CCDC40: variants seen among roughly 807,000 people sequenced by gnomAD.
CCDC40 encodes coiled-coil domain 40 molecular ruler complex subunit.
Under a neutral mutation model 124.5 loss-of-function variants are expected in CCDC40, and 104 were observed. That is an observed-to-expected ratio of 0.84 (90% CI 0.71 to 0.98). The LOEUF (loss-of-function observed/expected upper bound fraction) is 0.98, where lower values mean the gene tolerates loss of function less well. Ranked by LOEUF, CCDC40 falls within the 50% of genes least tolerant of loss-of-function variation. The probability of loss-of-function intolerance (pLI) is 0.00; values close to 1 mark genes in which losing one functional copy is unlikely to be tolerated. For missense variants in CCDC40, 1,463 were observed against 1,503.9 expected (o/e 0.97, Z 0.45); for synonymous variants, 580 against 602.9 (o/e 0.96, Z 0.56).
chr17:80,095,133 G>A (rs2143775478), intron 17 of CCDC40, 130 bp from the exon 18 acceptor site: 1 of 834,874 alleles, frequency 1.2e-6, no homozygotes, highest in Non-Finnish European at 2.0e-6. Context: ...TGGCGGCACA[G>A]GCCTCACTGT....
chr17:80,085,027 T>C (rs966358969), intron 13 of CCDC40, 39 bp downstream of exon 13: 6 of 1,609,088 alleles, frequency 3.7e-6, no homozygotes, highest in Non-Finnish European at 4.2e-6. Flanking sequence ...CCCGGCTGAC[T>C]GTGGTGCCTG....
At chr17:80,049,824 C>A in intron 5 of CCDC40, 82 bp from the exon 6 acceptor site, 1 of 1,187,816 alleles carries the variant, frequency 8.4e-7, no homozygotes, top group East Asian at 2.3e-5. Context: ...CGGAGGGAGA[C>A]CTGTGGCCAC....
At chr17:80,078,134 A>G (rs1049156046) in intron 10 of CCDC40, among the ~76,000 whole-genome samples, 1 of 152,060 alleles carries the variant, frequency 6.6e-6, no homozygotes, top group Admixed American at 6.6e-5. Context: ...GATTGAGACC[A>G]TCCTGGCTAA....
intron 9 of CCDC40, among the ~76,000 whole-genome samples, chr17:80,061,512 G>A (rs778267804): frequency 2.8e-4 from 43 of 152,354 alleles, no homozygotes; most frequent in South Asian, 8.3e-4. Flanking sequence ...AAGCCAAGGA[G>A]ACTCGCCCTG....
At chr17:80,060,736 A>G (rs58985108) in intron 9 of CCDC40, among the ~76,000 whole-genome samples, 11,460 of 152,278 alleles carry the variant, frequency 0.075, 521 homozygotes, top group Middle Eastern at 0.14. Context: ...ATAATGTGTC[A>G]CAAGATAGAC....
chr17:80,055,995 TATATA>T (rs2037727482), intron 7 of CCDC40, among the ~76,000 whole-genome samples: 2 of 10,760 alleles, frequency 1.9e-4, no homozygotes, highest in African/African-American at 4.1e-4. Flanking sequence ...TATATATATA[TATATA>T]TATATATATA....
intron 7 of CCDC40, among the ~76,000 whole-genome samples, chr17:80,054,980 A>G (rs2037699818): frequency 6.6e-6 from 1 of 152,094 alleles, no homozygotes; most frequent in African/African-American, 2.4e-5. Context: ...GTCTCAAAAA[A>G]AAAAAATAAA....
intron 10 of CCDC40, among the ~76,000 whole-genome samples, chr17:80,077,676 C>G (rs532152324): frequency 6.6e-6 from 1 of 152,344 alleles, no homozygotes; most frequent in South Asian, 2.1e-4. Context: ...CAAATATAGC[C>G]ATTAGCAAAT....
intron 7 of CCDC40, 23 bp downstream of exon 7, chr17:80,050,306 C>T (rs201434731): frequency 3.3e-6 from 5 of 1,537,822 alleles, no homozygotes; most frequent in African/African-American, 2.7e-5. Flanking sequence ...GGCAGCCCCA[C>T]ACGCCATCCG....
chr17:80,037,578 A>G (rs2037118215), intron 1 of CCDC40, among the ~76,000 whole-genome samples: 1 of 151,380 alleles, frequency 6.6e-6, no homozygotes, highest in South Asian at 2.1e-4. Context: ...ATCAATGATT[A>G]TCTTGGGAAG....
rs776004675 is a variant in CCDC40 at position 80,036,644 on chromosome 17, C to A, written c.-19C>A. 2.1e-6 allele frequency: 3 copies of A among 1,455,078 alleles called. No individual in the cohort carries two copies. The highest frequency in any genetic ancestry group is 2.7e-5 in the South Asian group (2 of 73,324). The allele number at this position is 1,455,078 out of a possible 1,614,324, so 90.1% of individuals were successfully genotyped here. A position where few individuals can be genotyped will look rare whatever the true frequency, so the allele number is the denominator to read the frequency against. On this transcript the variant is annotated 5_prime_UTR_variant, in exon 1 of 20. Coordinates refer to ENST00000397545, the MANE Select transcript of CCDC40 (RefSeq NM_017950.4). The stretch of plus-strand genomic sequence containing the variant: ...TCCCGGCCCGGCCGGATGTTGACAG[C>A]GTCGCCTAGCAACGGGAAATGGCGG...
chr17:80,055,187 G>T (rs1384862051), intron 7 of CCDC40, among the ~76,000 whole-genome samples: 10 of 152,098 alleles, frequency 6.6e-5, no homozygotes, highest in Admixed American at 6.6e-4. Flanking sequence ...GAGGAGGCCT[G>T]CTAGCATAGC....
intron 10 of CCDC40, chr17:80,067,870 A>G: frequency 7.2e-7 from 1 of 1,390,704 alleles, no homozygotes; most frequent in Non-Finnish European, 9.3e-7. Context: ...AAGAAAATAG[A>G]TAATCTTGTT....
chr17:80,096,923 C>G (rs1205857830), intron 18 of CCDC40, among the ~76,000 whole-genome samples: 1 of 152,254 alleles, frequency 6.6e-6, no homozygotes, highest in East Asian at 1.9e-4. Flanking sequence ...TCGGCCCTTA[C>G]AGCCTCAGCC....
chr17:80,098,293 T>A (rs55986047), intron 19 of CCDC40, among the ~76,000 whole-genome samples: 4 of 152,056 alleles, frequency 2.6e-5, no homozygotes, highest in African/African-American at 9.7e-5. Flanking sequence ...CAATCATGAC[T>A]TTGGACTTTT....
At chr17:80,056,016 A>ATATATATATATTTTTTTTTTT in intron 7 of CCDC40, among the ~76,000 whole-genome samples, 9 of 10,242 alleles carry the variant, frequency 8.8e-4, no homozygotes, top group Non-Finnish European at 1.1e-3. Flanking sequence ...ATATATATAT[A>ATATATATATATTTTTTTTTTT]TTTTTTTTTT....
chr17:80,058,583 G>A lies in CCDC40; in HGVS notation c.1249G>A (p.Val417Met), dbSNP rs535461092. ...CCAGGACATGCGTGACGACATCCGC[G>A]TGATGACACAAGTGGTAAAGAAGGC... Reference protein sequence around the residue: ...IDQDMRDDIRVMTQVVKKAET... With the variant: ...IDQDMRDDIRMMTQVVKKAET... Residue 417 changes from valine to methionine, a missense_variant, in exon 8 of 20, where the codon GTG becomes ATG. By Grantham distance (21) the Val-to-Met change is conservative (BLOSUM62 1). Coordinates refer to ENST00000397545, the MANE Select transcript of CCDC40 (RefSeq NM_017950.4). This position sits in a 1 kb window ranked among gnomAD's most constrained non-coding sequence, Gnocchi z 4.2. 33 of 1,614,168 alleles carry A rather than the reference G, an allele frequency of 2.0e-5. No individual in the cohort carries two copies. Among genetic ancestry groups the A allele is most frequent in the South Asian group, 9.9e-5 (9 of 91,090 alleles).
chr17:80,036,750 C>T (rs1376793514), intron 1 of CCDC40, 59 bp downstream of exon 1: 3 of 1,439,058 alleles, frequency 2.1e-6, no homozygotes, highest in African/African-American at 2.9e-5. Flanking sequence ...CTCCGTTCAC[C>T]GCTCCAGGTG....
In CCDC40 at chr17:80,042,685, G is replaced by A. The variant is rs543560074; in HGVS notation, c.552+2415G>A. Among the ~76,000 whole-genome samples the A allele has an allele frequency of 3.2e-4, 49 of 152,202 alleles. No individual in the cohort carries two copies. In the South Asian group the frequency reaches 8.9e-3, roughly 28 times the overall value. ...TTGCCTGATTGCATTGGCTAGAACC[G>A]CCAGCACCATGTTGAATAGAAGCGG... On this transcript the variant is annotated intron_variant, in intron 3 of 19. Transcript: ENST00000397545.
Sources: gnomAD v4.1 joint callset for allele counts (sites outside exome capture counted in the v4.1 genomes callset) on GRCh38, gnomAD v4.1.1 for gene constraint, Gnocchi (gnomAD v3.1) non-coding constraint, MANE v1.5 for transcripts, NCBI Gene and HGNC (gene_info 2026-07-23, HGNC 2026-07-21) for gene names.